The following SLC24A2 variants were observed in gnomAD, a reference collection of about 807,000 sequenced individuals.
SLC24A2 encodes the protein sodium/potassium/calcium exchanger 2.
A neutral mutation model predicts 62.0 loss-of-function variants in SLC24A2; 36 were observed. The ratio of observed to expected loss-of-function variants is 0.58; its 90% confidence interval spans 0.44 to 0.77. The LOEUF (loss-of-function observed/expected upper bound fraction) is 0.77, where lower values mean the gene tolerates loss of function less well. Among genes scored for constraint, SLC24A2 ranks in the 30% least tolerant of loss-of-function variants. The pLI is 0.00. For synonymous variants in SLC24A2, 358 were observed against 294.0 expected (o/e 1.22, Z -2.23); for missense variants, 846 against 817.9 (o/e 1.03, Z -0.42).
the SLC24A2 span, among the ~76,000 whole-genome samples, chr9:20,063,690 C>G: frequency 6.6e-6 from 1 of 152,102 alleles, no homozygotes; most frequent in Non-Finnish European, 1.5e-5. Flanking sequence ...ATAAAAATAA[C>G]TCATAAAGCT....
intron 7 of SLC24A2, among the ~76,000 whole-genome samples, chr9:19,556,114 C>G (rs376733101): frequency 3.9e-5 from 6 of 152,196 alleles, no homozygotes; most frequent in African/African-American, 1.4e-4. Context: ...CACTCAGCAT[C>G]TACTGGAAGG....
chr9:20,297,416 G>A, the SLC24A2 span, among the ~76,000 whole-genome samples: 506 of 152,326 alleles, frequency 3.3e-3, 4 homozygotes, highest in African/African-American at 0.01. Context: ...GCTGCAGTTT[G>A]AAGGCCAAGG....
At chr9:20,015,614 T>C in the SLC24A2 span, among the ~76,000 whole-genome samples, 2 of 152,230 alleles carry the variant, frequency 1.3e-5, no homozygotes, top group South Asian at 4.1e-4. Flanking sequence ...CTAACTTAGC[T>C]AGGTTGACTT....
the SLC24A2 span, among the ~76,000 whole-genome samples, chr9:19,800,360 T>C: frequency 6.6e-6 from 1 of 152,220 alleles, no homozygotes. Flanking sequence ...TCTTCACTTT[T>C]TGTTGTTGCA....
the SLC24A2 span, among the ~76,000 whole-genome samples, chr9:20,038,584 T>C: frequency 1.5e-5 from 2 of 133,326 alleles, no homozygotes; most frequent in Non-Finnish European, 3.1e-5. Context: ...TCCCATCCTC[T>C]CCCTTTCTAC....
At chr9:20,168,237 T>A in the SLC24A2 span, among the ~76,000 whole-genome samples, 1 of 151,992 alleles carries the variant, frequency 6.6e-6, no homozygotes, top group African/African-American at 2.4e-5. Flanking sequence ...AACTAGTCAA[T>A]CTGATAAAGA....
chr9:19,979,221 T>C, the SLC24A2 span, among the ~76,000 whole-genome samples: 1 of 152,324 alleles, frequency 6.6e-6, no homozygotes, highest in East Asian at 1.9e-4. Context: ...TTCATGTGCA[T>C]ATACATCACT....
rs557887595 is a variant in SLC24A2, at chr9:19,748,157, CA to C, written c.930+37779del. ...TATTTATTGAATTATTTACCAAAAG[CA>C]AATATCCAAAGCCATTTGTTCTGGG... On this transcript the variant is annotated intron_variant, in intron 2 of 10. Coordinates refer to ENST00000341998, the MANE Select transcript of SLC24A2 (RefSeq NM_020344.4). Among the ~76,000 whole-genome samples, 135 of 152,226 alleles carry C rather than the reference CA, an allele frequency of 8.9e-4. 1 individual carries two copies. Among genetic ancestry groups the C allele is most frequent in the African/African-American group, 3.1e-3 (130 of 41,558 alleles).
intron 4 of SLC24A2, among the ~76,000 whole-genome samples, chr9:19,603,505 GA>G (rs914944721): frequency 3.3e-5 from 5 of 151,654 alleles, no homozygotes; most frequent in African/African-American, 1.2e-4. Flanking sequence ...TGAGGGGAGG[GA>G]GGGGGGCACT....
At chr9:19,654,090 C>T (rs1388451859) in intron 2 of SLC24A2, among the ~76,000 whole-genome samples, 1 of 152,142 alleles carries the variant, frequency 6.6e-6, no homozygotes, top group African/African-American at 2.4e-5. Context: ...TAATCCCCAA[C>T]CTATGACCCC....
chr9:20,141,105 T>A, the SLC24A2 span, among the ~76,000 whole-genome samples: 1 of 152,168 alleles, frequency 6.6e-6, no homozygotes, highest in African/African-American at 2.4e-5. Context: ...CCGCCCACCA[T>A]GTAGTGGCTG....
At chr9:20,275,018 T>A in the SLC24A2 span, among the ~76,000 whole-genome samples, 4 of 152,162 alleles carry the variant, frequency 2.6e-5, no homozygotes, top group Non-Finnish European at 4.4e-5. Flanking sequence ...GGTGGACTCC[T>A]GATCCAAGGC....
intron 6 of SLC24A2, among the ~76,000 whole-genome samples, chr9:19,576,491 C>A (rs1836015789): frequency 6.6e-6 from 1 of 152,176 alleles, no homozygotes; most frequent in Non-Finnish European, 1.5e-5. Flanking sequence ...TAAGCAATAT[C>A]ACAGGTATAA....
At chr9:19,915,405 G>A in the SLC24A2 span, among the ~76,000 whole-genome samples, 11 of 152,044 alleles carry the variant, frequency 7.2e-5, no homozygotes, top group African/African-American at 9.7e-5. Context: ...TCCGGTACAA[G>A]CTTTTGTGTG....
the SLC24A2 span, among the ~76,000 whole-genome samples, chr9:20,167,150 CTGAA>C: frequency 6.6e-6 from 1 of 151,968 alleles, no homozygotes; most frequent in Admixed American, 6.6e-5. Flanking sequence ...TGTAAACACA[CTGAA>C]TGGGAAAAAT....
chr9:19,773,524 C>T (rs1391739108), intron 2 of SLC24A2, among the ~76,000 whole-genome samples: 2 of 152,152 alleles, frequency 1.3e-5, no homozygotes, highest in African/African-American at 4.8e-5. Flanking sequence ...TAGTCATTTG[C>T]TGCTTGAGTT....
At chr9:19,743,521 G>A (rs1821741631) in intron 2 of SLC24A2, among the ~76,000 whole-genome samples, 1 of 152,070 alleles carries the variant, frequency 6.6e-6, no homozygotes, top group Non-Finnish European at 1.5e-5. Context: ...TGTGCTGTCG[G>A]GGCTGGGCAG....
chr9:19,549,109 G>A lies in SLC24A2; in HGVS notation c.1479+1028C>T, dbSNP rs1233434236. Among the ~76,000 whole-genome samples the A allele has an allele frequency of 6.6e-5, 10 of 152,096 alleles. No individual in the cohort carries two copies. In the South Asian group the frequency reaches 1.2e-3, roughly 19 times the overall value. ...GTAATTTGCTGATGTTGTTGCGTTC[G>A]GAGCACCCAGTATGTGATAATGGTA... On this transcript the variant is annotated intron_variant, in intron 8 of 10. Transcript: ENST00000341998.
At chr9:20,251,720 C>T in the SLC24A2 span, among the ~76,000 whole-genome samples, 1 of 152,194 alleles carries the variant, frequency 6.6e-6, no homozygotes, top group African/African-American at 2.4e-5. Flanking sequence ...TTCTTTGAAA[C>T]CAGAGATTTA....
Sources: gnomAD v4.1 joint callset for allele counts (sites outside exome capture counted in the v4.1 genomes callset) on GRCh38, gnomAD v4.1.1 for gene constraint, MANE v1.5 for transcripts, NCBI Gene and HGNC (gene_info 2026-07-23, HGNC 2026-07-21) for gene names.